Variants in MARK3 observed in about 807,000 individuals in gnomAD.
MARK3 encodes the protein microtubule affinity regulating kinase 3.
Under a neutral mutation model 90.1 loss-of-function variants are expected in MARK3, and 46 were observed. The observed-to-expected ratio is 0.51, with a 90% CI of 0.40 to 0.65. MARK3 has a LOEUF of 0.65. MARK3 is among the 30% of genes least tolerant of loss of function. The pLI, the probability that MARK3 is intolerant of heterozygous loss-of-function variation, is 0.00. For missense variants in MARK3, 818 were observed against 947.2 expected, an observed-to-expected ratio of 0.86 and a Z score of 1.79; for synonymous variants, 321 against 332.6, an observed-to-expected ratio of 0.97 and a Z score of 0.38.
Position 103,483,119 on chromosome 14 carries a change from G to C in MARK3, c.1586+2629G>C, listed in dbSNP as rs2093856550. On this transcript the variant is annotated intron_variant, in intron 14 of 17. Coordinates refer to ENST00000429436, the MANE Select transcript of MARK3 (RefSeq NM_001128918.3). ...AAATTGATGCTTGAGTCTTCAGTGAGATACAATTAGCTTTCCCTGCACAGA... is the reference window on the plus strand; with the variant it reads ...AAATTGATGCTTGAGTCTTCAGTGACATACAATTAGCTTTCCCTGCACAGA... 3.3e-5 allele frequency among the ~76,000 whole-genome samples: 5 copies of C among 152,170 alleles called. No homozygotes were observed. In the South Asian group the frequency reaches 1.0e-3, roughly 32 times the overall value.
At chr14:103,472,848 T>C (rs1016691772) in intron 12 of MARK3, among the ~76,000 whole-genome samples, 3 of 151,342 alleles carry the variant, frequency 2.0e-5, no homozygotes, top group African/African-American at 4.9e-5. Flanking sequence ...CTACTAAAAT[T>C]ACAAAAAATT....
intron 2 of MARK3, among the ~76,000 whole-genome samples, chr14:103,424,784 A>G (rs573554756): frequency 1.3e-5 from 2 of 152,306 alleles, no homozygotes; most frequent in East Asian, 3.9e-4. Flanking sequence ...TATACCATGT[A>G]AAATTACTTA....
At chr14:103,408,262 C>G (rs964173958) in intron 2 of MARK3, among the ~76,000 whole-genome samples, 2 of 152,166 alleles carry the variant, frequency 1.3e-5, no homozygotes, top group African/African-American at 4.8e-5. Flanking sequence ...TCTCAGCTCA[C>G]TGCAACCTCC....
chr14:103,479,696 G>T (rs548838027), intron 13 of MARK3, among the ~76,000 whole-genome samples: 1 of 141,100 alleles, frequency 7.1e-6, no homozygotes, highest in East Asian at 2.2e-4. Context: ...GCAATGGTGC[G>T]ATCTCAGCTC....
intron 3 of MARK3, among the ~76,000 whole-genome samples, chr14:103,436,472 A>C (rs553893632): frequency 7.9e-4 from 119 of 150,140 alleles, no homozygotes; most frequent in Non-Finnish European, 1.4e-3. Flanking sequence ...TCAGGCCATT[A>C]ACAAAAGTAG....
intron 2 of MARK3, among the ~76,000 whole-genome samples, chr14:103,410,379 G>A (rs909986024): frequency 2.0e-5 from 3 of 152,162 alleles, no homozygotes; most frequent in East Asian, 3.8e-4. Flanking sequence ...TGCTGCAACA[G>A]CAATTACGTT....
chr14:103,470,978 C>T (rs1185771490), intron 12 of MARK3, among the ~76,000 whole-genome samples: 1 of 152,192 alleles, frequency 6.6e-6, no homozygotes, highest in Non-Finnish European at 1.5e-5. Flanking sequence ...AAACCATCTA[C>T]AGTGCCTGCT....
chr14:103,467,935 C>A (rs1000632939), intron 11 of MARK3, 98 bp from the exon 12 acceptor site: 2 of 1,161,172 alleles, frequency 1.7e-6, no homozygotes, highest in East Asian at 2.6e-5. Context: ...TCTGAATGAA[C>A]GGTTTATGAG....
In MARK3 at chr14:103,492,728, C is replaced by T. The variant is rs2094039041; in HGVS notation, c.1844+694C>T. Reference sequence around the variant, plus strand: ...GGCTAGCATCTGGGGCCTCAGTAAACTCTCAAGGGTCCTTTGAGATTAACT... The same window carrying T: ...GGCTAGCATCTGGGGCCTCAGTAAATTCTCAAGGGTCCTTTGAGATTAACT... On this transcript the variant is annotated intron_variant, in intron 15 of 17. Coordinates refer to ENST00000429436, the MANE Select transcript of MARK3 (RefSeq NM_001128918.3). Among the ~76,000 whole-genome samples, 3 of 152,252 alleles carry T rather than the reference C, an allele frequency of 2.0e-5. No individual in the cohort carries two copies. The South Asian group carries it at 6.2e-4, about 32-fold the overall frequency.
chr14:103,468,228 G>A, intron 12 of MARK3, 42 bp downstream of exon 12: 2 of 1,576,102 alleles, frequency 1.3e-6, no homozygotes, highest in Non-Finnish European at 1.7e-6. Flanking sequence ...TAGAGTCCAG[G>A]CAAGAGGTCT....
chr14:103,468,622 G>A (rs1595826361), intron 12 of MARK3, among the ~76,000 whole-genome samples: 2 of 151,724 alleles, frequency 1.3e-5, no homozygotes, highest in Non-Finnish European at 2.9e-5. Flanking sequence ...CACCGTGCCT[G>A]GCCAGCATTT....
intron 15 of MARK3, among the ~76,000 whole-genome samples, chr14:103,494,079 C>G (rs962736613): frequency 1.3e-5 from 2 of 150,990 alleles, no homozygotes; most frequent in African/African-American, 4.9e-5. Flanking sequence ...ACTAAAAATA[C>G]AAAAATTAGC....
chr14:103,463,123 T>C (rs1035262043), intron 7 of MARK3, among the ~76,000 whole-genome samples: 3 of 145,584 alleles, frequency 2.1e-5, no homozygotes, highest in Non-Finnish European at 4.5e-5. Context: ...CCAGCAGCAT[T>C]TACACATGCT....
chr14:103,475,467 TA>T (rs33957550), intron 13 of MARK3, among the ~76,000 whole-genome samples: 149,981 of 152,330 alleles, frequency 0.98, 73,890 homozygotes, highest in East Asian at 1. Context: ...ATTTATTTCT[TA>T]ACAATTCTGG....
rs868069412 is a variant in MARK3, at chr14:103,455,869, C to G, written c.413-1273C>G. Among the ~76,000 whole-genome samples, 5 of 152,116 alleles carry G rather than the reference C, an allele frequency of 3.3e-5. No individual in the cohort carries two copies. The South Asian group carries it at 1.0e-3, about 32-fold the overall frequency. On this transcript the variant is annotated intron_variant, in intron 5 of 17. Transcript: ENST00000429436. Reference sequence around the variant, plus strand: ...TAATTGTGTAATTCATGATGACTTTCAAGTATCAAAATATTTTAGTTTAAT... The same window carrying G: ...TAATTGTGTAATTCATGATGACTTTGAAGTATCAAAATATTTTAGTTTAAT...
At chr14:103,488,828 A>G (rs1431249534) in intron 14 of MARK3, among the ~76,000 whole-genome samples, 1 of 152,160 alleles carries the variant, frequency 6.6e-6, no homozygotes, top group Non-Finnish European at 1.5e-5. Flanking sequence ...ATACAGCAAG[A>G]CCCTGTCTCC....
chr14:103,492,866 C>T (rs990572387), intron 15 of MARK3, among the ~76,000 whole-genome samples: 1 of 152,106 alleles, frequency 6.6e-6, no homozygotes, highest in Admixed American at 6.5e-5. Flanking sequence ...GGCACCTTTC[C>T]GAGAAGGAGC....
chr14:103,443,264 G>A (rs1032350151), intron 3 of MARK3, among the ~76,000 whole-genome samples: 1 of 152,172 alleles, frequency 6.6e-6, no homozygotes, highest in African/African-American at 2.4e-5. Flanking sequence ...AATTCTTTGA[G>A]ATCTACTGTG....
chr14:103,410,222 C>A (rs1020005749), intron 2 of MARK3, among the ~76,000 whole-genome samples: 4 of 152,038 alleles, frequency 2.6e-5, no homozygotes, highest in Non-Finnish European at 5.9e-5. Flanking sequence ...GATCCAGGGG[C>A]TGCATCTGGC....
Sources: allele counts gnomAD v4.1 joint callset (sites outside exome capture counted in the v4.1 genomes callset), GRCh38; gene constraint gnomAD v4.1.1; transcripts MANE v1.5; gene names NCBI Gene and HGNC (gene_info 2026-07-23, HGNC 2026-07-21).